AGBL1: variants seen among roughly 807,000 people sequenced by gnomAD.
AGBL1 encodes the protein cytosolic carboxypeptidase 4.
Under a neutral mutation model 118.9 loss-of-function variants are expected in AGBL1, and 130 were observed. The ratio of observed to expected loss-of-function variants is 1.09; its 90% confidence interval spans 0.95 to 1.26. The LOEUF (loss-of-function observed/expected upper bound fraction) is 1.26, where lower values mean the gene tolerates loss of function less well. Ranked by LOEUF, AGBL1 falls within the 50% of genes most tolerant of loss-of-function variation. The pLI is 0.00. For missense variants in AGBL1, 1,584 were observed against 1,298.1 expected (o/e 1.22, Z -3.38); for synonymous variants, 555 against 478.9 (o/e 1.16, Z -2.08).
chr15:86,281,339 C>G (rs1166921701), intron 16 of AGBL1, among the ~76,000 whole-genome samples: 1 of 152,104 alleles, frequency 6.6e-6, no homozygotes, highest in Non-Finnish European at 1.5e-5. Flanking sequence ...GCCAGGATCA[C>G]ACAACTGCAT....
chr15:86,855,860 A>T (rs1223839731), intron 22 of AGBL1, among the ~76,000 whole-genome samples: 4 of 152,176 alleles, frequency 2.6e-5, no homozygotes, highest in Non-Finnish European at 5.9e-5. Context: ...CCCTGCTCAG[A>T]TCTGCAGAGG....
chr15:86,405,278 G>A (rs1484295268), intron 18 of AGBL1, among the ~76,000 whole-genome samples: 2 of 152,000 alleles, frequency 1.3e-5, no homozygotes, highest in Admixed American at 6.5e-5. Flanking sequence ...TTGGGAGGCC[G>A]AGGCAGGCAG....
chr15:86,092,241 T>C lies in AGBL1; in HGVS notation c.51+12218T>C, dbSNP rs745425041. ...AACCAAACATTTGAATCTCAGAAGATTTGTCCACAACTAGATTGAGAACCT... is the reference window on the plus strand; with the variant it reads ...AACCAAACATTTGAATCTCAGAAGACTTGTCCACAACTAGATTGAGAACCT... On this transcript the variant is annotated intron_variant, in intron 1 of 22. Transcript: ENST00000614907. Among the ~76,000 whole-genome samples, 108 of 152,270 alleles carry C rather than the reference T, an allele frequency of 7.1e-4. 1 individual carries two copies. The highest frequency in any genetic ancestry group is 9.9e-4 in the African/African-American group (41 of 41,550).
intron 17 of AGBL1, chr15:86,296,776 C>A (rs1433602111): frequency 6.6e-6 from 1 of 152,268 alleles, no homozygotes; most frequent in Non-Finnish European, 1.5e-5. Flanking sequence ...CAGAGTACCC[C>A]CCGTCAGCAG....
intron 22 of AGBL1, among the ~76,000 whole-genome samples, chr15:86,755,773 G>C (rs1252264978): frequency 1.3e-5 from 2 of 152,046 alleles, no homozygotes; most frequent in Non-Finnish European, 2.9e-5. Flanking sequence ...TTTCCTATTA[G>C]ACAAGGCAGC....
chr15:86,111,578 G>A (rs1023773350), intron 1 of AGBL1, among the ~76,000 whole-genome samples: 1 of 152,142 alleles, frequency 6.6e-6, no homozygotes, highest in South Asian at 2.1e-4. Context: ...TGGTATGAGT[G>A]GGATAGAGGT....
intron 18 of AGBL1, among the ~76,000 whole-genome samples, chr15:86,414,803 TA>T (rs1304966354): frequency 3.9e-5 from 6 of 152,126 alleles, no homozygotes; most frequent in African/African-American, 1.4e-4. Flanking sequence ...GATGCAGACA[TA>T]AAATTAAGCC....
chr15:86,240,444 C>G (rs1426335030), intron 6 of AGBL1, among the ~76,000 whole-genome samples: 1 of 152,132 alleles, frequency 6.6e-6, no homozygotes, highest in African/African-American at 2.4e-5. Flanking sequence ...ACACAACTAC[C>G]TTTATTCTTA....
intron 3 of AGBL1, among the ~76,000 whole-genome samples, chr15:86,146,304 A>G (rs2077033052): frequency 1.3e-5 from 2 of 152,246 alleles, no homozygotes; most frequent in South Asian, 2.1e-4. Flanking sequence ...ATACAGTTTA[A>G]CAATGATTTA....
At chr15:86,689,809 A>G (rs1302512146) in intron 22 of AGBL1, among the ~76,000 whole-genome samples, 2 of 152,164 alleles carry the variant, frequency 1.3e-5, no homozygotes, top group Admixed American at 1.3e-4. Flanking sequence ...GATTGAAATG[A>G]TGGATGATAC....
At chr15:86,217,973 G>C (rs1211711760) in intron 5 of AGBL1, among the ~76,000 whole-genome samples, 1 of 152,192 alleles carries the variant, frequency 6.6e-6, no homozygotes, top group African/African-American at 2.4e-5. Flanking sequence ...AGTGGATATG[G>C]ATAGATTAGT....
chr15:86,110,689 T>C (rs1350517562), intron 1 of AGBL1, among the ~76,000 whole-genome samples: 2 of 152,190 alleles, frequency 1.3e-5, no homozygotes, highest in Non-Finnish European at 2.9e-5. Flanking sequence ...AATCATTTTA[T>C]TTTTTATGGA....
chr15:86,313,283 G>A (rs1567193897), intron 17 of AGBL1, among the ~76,000 whole-genome samples: 1 of 152,112 alleles, frequency 6.6e-6, no homozygotes, highest in African/African-American at 2.4e-5. Context: ...ATATAATGTA[G>A]TCTTGTTTAT....
intron 17 of AGBL1, among the ~76,000 whole-genome samples, chr15:86,342,548 G>C (rs1028392438): frequency 6.6e-6 from 1 of 152,150 alleles, no homozygotes; most frequent in African/African-American, 2.4e-5. Flanking sequence ...GATGCCTGCT[G>C]TTTATTAGGT....
At chr15:86,149,332 C>A (rs1258156066) in intron 3 of AGBL1, among the ~76,000 whole-genome samples, 1 of 152,068 alleles carries the variant, frequency 6.6e-6, no homozygotes, top group East Asian at 1.9e-4. Context: ...CACAGACTGG[C>A]AAATTGGATA....
In AGBL1 at chr15:86,732,862, A is replaced by G. The variant is rs1164982709; in HGVS notation, c.3158+58426A>G. Among the ~76,000 whole-genome samples, 3 of 151,490 alleles carry G rather than the reference A, an allele frequency of 2.0e-5. No homozygotes were observed. In the East Asian group the frequency reaches 5.8e-4, roughly 29 times the overall value. On this transcript the variant is annotated intron_variant, in intron 22 of 22. Transcript: ENST00000614907. ...AGGGTTCTCTAGAGAAACAGAACCA[A>G]TAAGATATATATAGATAGATATATA...
chr15:86,567,654 T>A (rs1253700332), intron 21 of AGBL1, among the ~76,000 whole-genome samples: 1 of 152,248 alleles, frequency 6.6e-6, no homozygotes, highest in African/African-American at 2.4e-5. Context: ...TTTGATCTTT[T>A]TTTTGATCTT....
chr15:86,705,784 G>T (rs1244125134), intron 22 of AGBL1, among the ~76,000 whole-genome samples: 2 of 152,116 alleles, frequency 1.3e-5, no homozygotes, highest in Non-Finnish European at 2.9e-5. Flanking sequence ...TTCTCACAGA[G>T]CACATCAAGG....
At chr15:86,590,520 T>C (rs1300218561) in intron 21 of AGBL1, among the ~76,000 whole-genome samples, 2 of 152,228 alleles carry the variant, frequency 1.3e-5, no homozygotes, top group Non-Finnish European at 2.9e-5. Context: ...TGTGAGTCAA[T>C]GAAACTTCTT....
Sources: allele counts gnomAD v4.1 joint callset (sites outside exome capture counted in the v4.1 genomes callset), GRCh38; gene constraint gnomAD v4.1.1; transcripts MANE v1.5; gene names NCBI Gene and HGNC (gene_info 2026-07-23, HGNC 2026-07-21).